The following DGCR8 variants were observed in gnomAD, a reference collection of about 807,000 sequenced individuals.
DGCR8 encodes the protein DGCR8 microprocessor complex subunit.
Under a neutral mutation model 78.5 loss-of-function variants are expected in DGCR8, and 14 were observed. The observed-to-expected ratio is 0.18, with a 90% CI of 0.12 to 0.28. The LOEUF is 0.28. DGCR8 is among the 10% of genes least tolerant of loss of function. The probability of loss-of-function intolerance (pLI) is 1.00; values close to 1 mark genes in which losing one functional copy is unlikely to be tolerated. For synonymous variants in DGCR8, 399 were observed against 402.4 expected (o/e 0.99, Z 0.10); for missense variants, 702 against 1,022.5 (o/e 0.69, Z 4.28).
chr22:20,090,258 G>A lies in DGCR8; in HGVS notation c.1306G>A (p.Asp436Asn). The change falls in exon 5 of 14, where the codon GAT (aspartate) becomes AAT (asparagine). Residue 436 changes from aspartate (D) to asparagine (N), a missense_variant and splice_region_variant. By Grantham distance (23) the Asp-to-Asn change is conservative. Around this residue, in one of 4 missense-constraint regions of DGCR8, gnomAD observed 119 missense variants for 126.1 expected, o/e 0.94. Transcript: ENST00000351989. ...KVEVCKDESV[D>N]LEEFRSYLEK... ...CGAGGTGTGCAAAGATGAATCCGTT[G>A]GTGAGTTTTTGAAGGACTCTTCCCT... The A allele has an allele frequency of 6.3e-7, 1 of 1,589,144 alleles. No individual in the cohort carries two copies. The highest frequency in any genetic ancestry group is 8.5e-7 in the Non-Finnish European group (1 of 1,171,392).
rs1206841508 is a variant in DGCR8, at chr22:20,106,871, A to C, written c.1996+173A>C. On this transcript the variant is annotated intron_variant, in intron 11 of 13. Coordinates refer to ENST00000351989, the MANE Select transcript of DGCR8 (RefSeq NM_022720.7). ...GCGGACTGGCAGCCGTCCTGCCTGCACTTTCCCTGTCTTTTCCCTTTCCCC... is the reference window on the plus strand; with the variant it reads ...GCGGACTGGCAGCCGTCCTGCCTGCCCTTTCCCTGTCTTTTCCCTTTCCCC... 4.9e-6 allele frequency: 3 copies of C among 609,556 alleles called. No individual in the cohort carries two copies. In the Admixed American group the frequency reaches 8.3e-5, roughly 17 times the overall value. 37.8% of individuals were successfully genotyped at this position (609,556 alleles called of 1,614,324 possible).
intron 9 of DGCR8, chr22:20,101,577 CAAAAA>C (rs57386389): frequency 3.5e-6 from 2 of 571,910 alleles, no homozygotes; most frequent in African/African-American, 4.4e-5. Context: ...GAATATGTCT[CAAAAA>C]AAAAAAAATG....
Position 20,110,355 on chromosome 22 carries a change from C to G in DGCR8, c.*247C>G, listed in dbSNP as rs2049823838. The G allele has an allele frequency of 2.0e-6, 1 of 510,784 alleles. No homozygotes were observed. Among genetic ancestry groups the G allele is most frequent in the South Asian group, 2.8e-5 (1 of 36,092 alleles). The allele number at this position is 510,784 out of a possible 1,614,324, so 31.6% of individuals were successfully genotyped here. ...GAATGGATGGACTCAGCGACTGCAC[C>G]AGTGGCAGCTGGTGACTGTGGACAG... On this transcript the variant is annotated 3_prime_UTR_variant, in exon 14 of 14. Coordinates refer to ENST00000351989, the MANE Select transcript of DGCR8 (RefSeq NM_022720.7).
In DGCR8 at chr22:20,086,656, T is replaced by G. The variant is rs1250113123; in HGVS notation, c.693T>G (p.Asp231Glu). 1 of 1,609,196 alleles carries G rather than the reference T, an allele frequency of 6.2e-7. No homozygotes were observed. Among genetic ancestry groups the G allele is most frequent in the Non-Finnish European group, 8.5e-7 (1 of 1,179,720 alleles). The change falls in exon 2 of 14, where the codon GAT becomes GAG. Residue 231 changes from aspartate (D) to glutamate (E), a missense_variant. This residue lies in a region of DGCR8 where 356 missense variants were observed against 448.9 expected (regional missense o/e 0.79). Transcript: ENST00000351989. This position sits in a 1 kb window ranked among gnomAD's most constrained non-coding sequence, Gnocchi z 6.4. Reference sequence around the variant, plus strand: ...CAATCGTTCAGAGAGACAGAGTGGATGAAGAGGCCTTGAATTTCCCCTACG... The same window carrying G: ...CAATCGTTCAGAGAGACAGAGTGGAGGAAGAGGCCTTGAATTTCCCCTACG... Reference protein sequence around the residue: ...AKAIVQRDRVDEEALNFPYED... With the variant: ...AKAIVQRDRVEEEALNFPYED...
chr22:20,097,431 A>G (rs2049641639), intron 9 of DGCR8, among the ~76,000 whole-genome samples: 1 of 152,118 alleles, frequency 6.6e-6, no homozygotes, highest in Non-Finnish European at 1.5e-5. Context: ...TTTTTTTCCC[A>G]TTTGATGTAG....
In DGCR8 at chr22:20,097,815, CTTTTTTTTTTT is replaced by C. The variant is rs695417; in HGVS notation, c.1788+3027_1788+3037del. Among the ~76,000 whole-genome samples the C allele has an allele frequency of 2.3e-3, 319 of 136,660 alleles. 4 individuals are homozygous for C. The highest frequency in any genetic ancestry group is 8.1e-3 in the African/African-American group (299 of 36,864). The allele number at this position is 136,660 out of a possible 152,430, so 89.7% of individuals were successfully genotyped here. The stretch of plus-strand genomic sequence containing the variant: ...AATGCATTGTTTTTATACTTTAATT[CTTTTTTTTTTT>C]TTTTTTAATTATATATATAGGGTCA... On this transcript the variant is annotated intron_variant, in intron 9 of 13. Transcript: ENST00000351989.
chr22:20,101,356 T>G (rs1358747147), intron 9 of DGCR8: 15 of 892,242 alleles, frequency 1.7e-5, no homozygotes, highest in South Asian at 5.2e-5. Context: ...GCGGGCAGAT[T>G]ACGAGGTAAG....
At chr22:20,109,962 T>C in intron 13 of DGCR8, 63 bp from the exon 14 acceptor site, 1 of 1,517,290 alleles carries the variant, frequency 6.6e-7, no homozygotes, top group Non-Finnish European at 9.1e-7. Flanking sequence ...CTCCACCTTG[T>C]GTCTTCCCGA....
intron 9 of DGCR8, among the ~76,000 whole-genome samples, chr22:20,097,485 A>G (rs2049642318): frequency 6.6e-6 from 1 of 152,140 alleles, no homozygotes; most frequent in Non-Finnish European, 1.5e-5. Flanking sequence ...GTATCCCCAT[A>G]TGACCCTTTT....
chr22:20,089,915 A>C lies in DGCR8; in HGVS notation c.1024-61A>C, dbSNP rs2049532188. 3 of 1,586,698 alleles carry C rather than the reference A, an allele frequency of 1.9e-6. No individual in the cohort carries two copies. Among genetic ancestry groups the C allele is most frequent in the Non-Finnish European group, 1.7e-6 (2 of 1,164,446 alleles). ...AGCCAAGCAGAGGCCGGTGAAAGGC[A>C]TCAGAGTTTCAGACTCTCGGGTTGT... is the stretch of plus-strand genomic sequence containing the variant. On this transcript the variant is annotated intron_variant, in intron 4 of 13. Coordinates refer to ENST00000351989, the MANE Select transcript of DGCR8 (RefSeq NM_022720.7). The surrounding 1 kb of genome is among the most constrained non-coding windows in gnomAD (Gnocchi z 4.9).
chr22:20,094,234 C>T (rs913657610), intron 8 of DGCR8, among the ~76,000 whole-genome samples: 1 of 152,184 alleles, frequency 6.6e-6, no homozygotes, highest in African/African-American at 2.4e-5. Context: ...ATGGCAACTC[C>T]GACCCCAGTG....
rs2049537812 is a variant in DGCR8 at position 20,090,179 on chromosome 22, C to T, written c.1227C>T (p.Asp409=). The T allele has an allele frequency of 1.9e-6, 3 of 1,614,240 alleles. No homozygotes were observed. In the East Asian group the frequency reaches 6.7e-5, roughly 36 times the overall value. The change falls in exon 5 of 14, where the codon GAC becomes GAT. Residue 409 remains aspartate, a synonymous_variant. Coordinates refer to ENST00000351989, the MANE Select transcript of DGCR8 (RefSeq NM_022720.7). ...ACCCGGGGCCCCCGGACGAGAAAGA[C>T]CCACTAGGGGCTGAGGCAGCCCCTG... ...GADPGPPDEK[D]PLGAEAAPGA...
At chr22:20,100,846 C>G in intron 9 of DGCR8, 1 of 982,930 alleles carries the variant, frequency 1.0e-6, no homozygotes, top group Non-Finnish European at 1.2e-6. Context: ...CTGGAGCTAG[C>G]GTCATATCTC....
chr22:20,098,852 C>T (rs2049661874), intron 9 of DGCR8, among the ~76,000 whole-genome samples: 1 of 152,174 alleles, frequency 6.6e-6, no homozygotes, highest in Non-Finnish European at 1.5e-5. Context: ...ATGTGATGAC[C>T]TCTGTAAAGA....
chr22:20,091,318 G>A, intron 5 of DGCR8, 117 bp from the exon 6 acceptor site: 1 of 1,006,608 alleles, frequency 9.9e-7, no homozygotes, highest in South Asian at 1.4e-5. Context: ...CCTTTGAAAG[G>A]GACGGGGAAA....
Position 20,111,788 on chromosome 22 carries a change from CCTGTGCTGATGCCATCCAGGGCA to C in DGCR8, c.*1684_*1706del, listed in dbSNP as rs1469655587. 4.6e-6 allele frequency: 1 copy of C among 217,150 alleles called. No homozygotes were observed. The highest frequency in any genetic ancestry group is 8.9e-6 in the Non-Finnish European group (1 of 112,482). 13.5% of individuals were successfully genotyped at this position (217,150 alleles called of 1,614,324 possible). A position where few individuals can be genotyped will look rare whatever the true frequency, so the allele number is the denominator to read the frequency against. On this transcript the variant is annotated 3_prime_UTR_variant, in exon 14 of 14. Coordinates refer to ENST00000351989, the MANE Select transcript of DGCR8 (RefSeq NM_022720.7). ...ATGCTTCAAGGCCGGGGCAGGGGAG[CCTGTGCTGATGCCATCCAGGGCA>C]CTGGGCTGTGCCTGGAAGGCGAGCC...
In DGCR8 at chr22:20,107,415, A is replaced by T; in HGVS notation, c.2124+17A>T. 1 of 1,613,768 alleles carries T rather than the reference A, an allele frequency of 6.2e-7. No homozygotes were observed. The highest frequency in any genetic ancestry group is 8.5e-7 in the Non-Finnish European group (1 of 1,179,924). ...GTCAAGCAGGTAACTGGCCATCAGC[A>T]GGTCCCAGGGCAGCCTGTGCTGCCA... On this transcript the variant is annotated intron_variant, in intron 12 of 13. Coordinates refer to ENST00000351989, the MANE Select transcript of DGCR8 (RefSeq NM_022720.7).
intron 9 of DGCR8, among the ~76,000 whole-genome samples, chr22:20,097,341 T>C (rs1202263407): frequency 6.6e-6 from 1 of 152,264 alleles, no homozygotes; most frequent in African/African-American, 2.4e-5. Context: ...AATTGCTAAT[T>C]CAATCTTACA....
At chr22:20,092,715 C>G in intron 7 of DGCR8, 94 bp from the exon 8 acceptor site, 4 of 1,102,928 alleles carry the variant, frequency 3.6e-6, no homozygotes, top group Non-Finnish European at 5.4e-6. Flanking sequence ...GGGACAGCCC[C>G]TGACTGCGCC....
Sources: allele counts gnomAD v4.1 joint callset (sites outside exome capture counted in the v4.1 genomes callset), GRCh38; gene constraint gnomAD v4.1.1; regional missense constraint gnomAD v4.1.1; non-coding constraint Gnocchi (gnomAD v3.1); transcripts MANE v1.5; gene names NCBI Gene and HGNC (gene_info 2026-07-23, HGNC 2026-07-21).